Variants in XRCC5 observed in about 807,000 individuals in gnomAD.
XRCC5 encodes the protein X-ray repair cross complementing 5, also known as DNA repair protein Ku80.
A neutral mutation model predicts 95.7 loss-of-function variants in XRCC5; 12 were observed. That is an observed-to-expected ratio of 0.13 (90% CI 0.08 to 0.20). The LOEUF (loss-of-function observed/expected upper bound fraction) is 0.20, where lower values mean the gene tolerates loss of function less well. Ranked by LOEUF, XRCC5 falls within the 10% of genes least tolerant of loss-of-function variation. XRCC5 has a pLI of 1.00. For missense variants in XRCC5, 595 were observed against 873.9 expected, an observed-to-expected ratio of 0.68 and a Z score of 4.02; for synonymous variants, 281 against 290.3, an observed-to-expected ratio of 0.97 and a Z score of 0.33.
At chr2:216,119,815 C>G (rs970700419) in intron 5 of XRCC5, among the ~76,000 whole-genome samples, 2 of 152,220 alleles carry the variant, frequency 1.3e-5, no homozygotes, top group Non-Finnish European at 2.9e-5. Context: ...TTTACTTTCT[C>G]TGTGTTATAT....
At chr2:216,192,591 G>A (rs1476491982) in intron 17 of XRCC5, 48 bp from the exon 18 acceptor site, 3 of 1,384,024 alleles carry the variant, frequency 2.2e-6, no homozygotes, top group East Asian at 4.9e-5. Context: ...ATTTGTTTTT[G>A]TGTTTGCTCT....
intron 10 of XRCC5, among the ~76,000 whole-genome samples, chr2:216,136,131 C>T (rs1033571905): frequency 2.6e-5 from 4 of 151,850 alleles, no homozygotes; most frequent in Non-Finnish European, 4.4e-5. Flanking sequence ...CCGAGGCAGG[C>T]GGATCACCTG....
At chr2:216,156,747 C>T (rs541858257) in intron 14 of XRCC5, 10 of 534,010 alleles carry the variant, frequency 1.9e-5, no homozygotes, top group East Asian at 1.6e-4. Flanking sequence ...AGGATTTTGC[C>T]GCTGCTCCAT....
rs534577151 is a variant in XRCC5, at chr2:216,170,987, C to G, written c.1834+8939C>G. ...CTTCAAGATTGCTCCTTAAGCCCAG[C>G]TGGTTGAAAAAGGAAACCGGTTTCA... On this transcript the variant is annotated intron_variant, in intron 16 of 20. Transcript: ENST00000392132. 1.3e-3 allele frequency among the ~76,000 whole-genome samples: 199 copies of G among 152,288 alleles called. 1 individual carries two copies. Among genetic ancestry groups the G allele is most frequent in the African/African-American group, 4.5e-3 (189 of 41,556 alleles).
intron 18 of XRCC5, among the ~76,000 whole-genome samples, chr2:216,194,244 T>C (rs1689675389): frequency 1.3e-5 from 2 of 152,228 alleles, no homozygotes; most frequent in Admixed American, 1.3e-4. Context: ...ATCAGTGTTA[T>C]AATGAAACAA....
intron 16 of XRCC5, among the ~76,000 whole-genome samples, chr2:216,171,457 T>G (rs926933513): frequency 3.3e-5 from 5 of 152,244 alleles, no homozygotes; most frequent in Non-Finnish European, 7.3e-5. Context: ...AAATTTAACT[T>G]GTTTTTAGAG....
chr2:216,193,489 G>A (rs1689657368), intron 18 of XRCC5, among the ~76,000 whole-genome samples: 1 of 152,178 alleles, frequency 6.6e-6, no homozygotes, highest in African/African-American at 2.4e-5. Flanking sequence ...AAAAAGAATT[G>A]CATACCTATC....
intron 16 of XRCC5, among the ~76,000 whole-genome samples, chr2:216,166,491 C>T (rs1322220600): frequency 1.3e-5 from 2 of 152,138 alleles, no homozygotes; most frequent in Non-Finnish European, 2.9e-5. Context: ...GGTTGTTTCC[C>T]TACATACACT....
rs746493174 is a variant in XRCC5, at chr2:216,172,469, CT to C, written c.1834+10438del. Among the ~76,000 whole-genome samples, 265 of 107,738 alleles carry C rather than the reference CT, an allele frequency of 2.5e-3. 4 individuals carry two copies. The highest frequency in any genetic ancestry group is 3.5e-3 in the Admixed American group (36 of 10,210). 70.7% of individuals were successfully genotyped at this position (107,738 alleles called of 152,430 possible). ...AAACTTTAGCATCAGCTTTTCTTTT[CT>C]TTTTTTTTTTTTTTTTGAGACAAAG... On this transcript the variant is annotated intron_variant, in intron 16 of 20. Transcript: ENST00000392132.
intron 18 of XRCC5, among the ~76,000 whole-genome samples, 159 bp downstream of exon 18, chr2:216,192,894 G>A (rs182771642): frequency 1.8e-4 from 28 of 152,296 alleles, no homozygotes; most frequent in Admixed American, 9.1e-4. Flanking sequence ...AATGCTCAGT[G>A]TTCGGTGAAC....
chr2:216,187,821 A>ACTCTCTCTCTCTCTCTCT (rs371097633), intron 16 of XRCC5, among the ~76,000 whole-genome samples: 3 of 47,950 alleles, frequency 6.3e-5, no homozygotes, highest in Non-Finnish European at 1.1e-4. Flanking sequence ...ACACACACAC[A>ACTCTCTCTCTCTCTCTCT]CTCTCTCTCT....
chr2:216,148,669 T>C (rs1688683031), intron 14 of XRCC5, among the ~76,000 whole-genome samples: 1 of 152,170 alleles, frequency 6.6e-6, no homozygotes, highest in Non-Finnish European at 1.5e-5. Flanking sequence ...GATTAGATGT[T>C]GGGGATGTCA....
intron 1 of XRCC5, among the ~76,000 whole-genome samples, chr2:216,110,970 C>T (rs1199901786): frequency 6.6e-6 from 1 of 151,866 alleles, no homozygotes; most frequent in Non-Finnish European, 1.5e-5. Flanking sequence ...GAAAAATAAT[C>T]TTTTCTTTTC....
chr2:216,116,617 T>C (rs1173588451), intron 2 of XRCC5, 42 bp from the exon 3 acceptor site: 1 of 1,612,282 alleles, frequency 6.2e-7, no homozygotes, highest in South Asian at 1.1e-5. Context: ...TGCTTCCAGA[T>C]TGTTCTAATA....
At chr2:216,153,925 T>A (rs1480738789) in intron 14 of XRCC5, among the ~76,000 whole-genome samples, 1 of 152,252 alleles carries the variant, frequency 6.6e-6, no homozygotes, top group Non-Finnish European at 1.5e-5. Context: ...GGCTTTGTTA[T>A]CTGCTTTCTT....
intron 14 of XRCC5, 29 bp from the exon 15 acceptor site, chr2:216,160,039 C>A: frequency 7.4e-7 from 1 of 1,353,790 alleles, no homozygotes; most frequent in Non-Finnish European, 1.0e-6. Context: ...ATTGTTTGTT[C>A]TAAGAGAAAT....
At chr2:216,164,813 G>T (rs1032710582) in intron 16 of XRCC5, among the ~76,000 whole-genome samples, 6 of 151,078 alleles carry the variant, frequency 4.0e-5, no homozygotes, top group Non-Finnish European at 7.3e-5. Context: ...GCTGTATTTG[G>T]GGAAACTGGC....
At chr2:216,174,672 A>G (rs956474798) in intron 16 of XRCC5, among the ~76,000 whole-genome samples, 43 of 152,222 alleles carry the variant, frequency 2.8e-4, no homozygotes, top group Non-Finnish European at 5.9e-5. Flanking sequence ...GCATTCATTA[A>G]TAGCTGCACT....
At chr2:216,194,884 TGTGTTTTGATTTTA>T in intron 18 of XRCC5, 21 bp from the exon 19 acceptor site, 2 of 1,604,856 alleles carry the variant, frequency 1.2e-6, no homozygotes. Flanking sequence ...GTTGATTCTT[TGTGTTTTGATTTTA>T]CTCTCTGAAT....
Sources: allele counts gnomAD v4.1 joint callset (sites outside exome capture counted in the v4.1 genomes callset), GRCh38; gene constraint gnomAD v4.1.1; transcripts MANE v1.5; gene names NCBI Gene and HGNC (gene_info 2026-07-23, HGNC 2026-07-21).